PLEKHA7: variants seen among roughly 807,000 people sequenced by gnomAD.
PLEKHA7 encodes pleckstrin homology domain containing A7, also known as pleckstrin homology domain-containing family A member 7.
Under a neutral mutation model 170.0 loss-of-function variants are expected in PLEKHA7, and 104 were observed. The observed-to-expected ratio is 0.61, with a 90% CI of 0.52 to 0.72. PLEKHA7 has a LOEUF of 0.72. Ranked by LOEUF, PLEKHA7 falls within the 30% of genes least tolerant of loss-of-function variation. The pLI is 0.00. For missense variants in PLEKHA7, 1,615 were observed against 1,671.7 expected, an observed-to-expected ratio of 0.97 and a Z score of 0.59; for synonymous variants, 648 against 660.8, an observed-to-expected ratio of 0.98 and a Z score of 0.30.
At chr11:16,952,691 A>G (rs1186489880) in intron 3 of PLEKHA7, among the ~76,000 whole-genome samples, 1 of 152,256 alleles carries the variant, frequency 6.6e-6, no homozygotes, top group Non-Finnish European at 1.5e-5. Context: ...GAATATCTGC[A>G]GAATACATAT....
chr11:16,997,573 C>T (rs2137009871), intron 3 of PLEKHA7, among the ~76,000 whole-genome samples: 1 of 152,260 alleles, frequency 6.6e-6, no homozygotes, highest in Middle Eastern at 3.4e-3. Flanking sequence ...ACTCGATGGG[C>T]AGGAGGCAAG....
intron 3 of PLEKHA7, among the ~76,000 whole-genome samples, chr11:16,983,010 A>G (rs940782615): frequency 2.6e-5 from 4 of 152,208 alleles, no homozygotes; most frequent in African/African-American, 9.6e-5. Context: ...CATGTGCTCT[A>G]TTAAGCTTTC....
intron 3 of PLEKHA7, among the ~76,000 whole-genome samples, chr11:16,892,438 T>TGTGTGTGTGTGTGTGTGC (rs1856704916): frequency 2.0e-5 from 1 of 50,934 alleles, no homozygotes; most frequent in Non-Finnish European, 4.8e-5. Context: ...GTGTGTGTTT[T>TGTGTGTGTGTGTGTGTGC]GTTTTGTTTT....
At chr11:16,971,250 G>A (rs1425954095) in intron 3 of PLEKHA7, among the ~76,000 whole-genome samples, 4 of 152,138 alleles carry the variant, frequency 2.6e-5, no homozygotes, top group South Asian at 4.1e-4. Flanking sequence ...TATGTAAGTG[G>A]ATTTAAACAC....
chr11:16,882,828 T>G (rs759855407), intron 3 of PLEKHA7, among the ~76,000 whole-genome samples: 8 of 152,224 alleles, frequency 5.3e-5, no homozygotes, highest in Admixed American at 5.2e-4. Context: ...TAAGTACATA[T>G]AAATATATAT....
chr11:16,965,408 G>A (rs1489584644), intron 3 of PLEKHA7, among the ~76,000 whole-genome samples: 1 of 152,082 alleles, frequency 6.6e-6, no homozygotes, highest in Non-Finnish European at 1.5e-5. Flanking sequence ...AATGTATTGT[G>A]TCAATGGCAA....
Position 16,778,601 on chromosome 11 carries a change from TCGG to T in PLEKHA7, c.*394_*396del, listed in dbSNP as rs1354463824. On this transcript the variant is annotated 3_prime_UTR_variant, in exon 27 of 27. Coordinates refer to ENST00000531066, the MANE Select transcript of PLEKHA7 (RefSeq NM_001329630.2). ...GAGGTCATTGGAAGTTGGACTAGCCTCGGCTTGCCCCGCCCTTCCTGCCCCCAC... is the reference window on the plus strand; with the variant it reads ...GAGGTCATTGGAAGTTGGACTAGCCTCTTGCCCCGCCCTTCCTGCCCCCAC... 3 of 263,920 alleles carry T rather than the reference TCGG, an allele frequency of 1.1e-5. No individual in the cohort carries two copies. Among genetic ancestry groups the T allele is most frequent in the South Asian group, 8.8e-5 (2 of 22,608 alleles). 16.3% of individuals were successfully genotyped at this position (263,920 alleles called of 1,614,324 possible).
chr11:16,781,285 G>A (rs541867937), intron 26 of PLEKHA7: 2 of 152,648 alleles, frequency 1.3e-5, no homozygotes, highest in South Asian at 4.1e-4. Flanking sequence ...GTGAGGAAAG[G>A]CCGCAGCAAA....
rs190039375 is a variant in PLEKHA7 at position 16,966,525 on chromosome 11, T to C, written c.221+47464A>G. ...GAAGAGCAAGCAAGGCTCAGGGGCA[T>C]CTGGAGTCACTAGCCAGGGTGCACA... On this transcript the variant is annotated intron_variant, in intron 3 of 26. Coordinates refer to ENST00000531066, the MANE Select transcript of PLEKHA7 (RefSeq NM_001329630.2). Among the ~76,000 whole-genome samples the C allele has an allele frequency of 2.5e-4, 38 of 152,138 alleles. No individual in the cohort carries two copies. In the East Asian group the frequency reaches 7.1e-3, roughly 29 times the overall value.
At chr11:16,867,006 T>C (rs562521881) in intron 4 of PLEKHA7, among the ~76,000 whole-genome samples, 6 of 151,566 alleles carry the variant, frequency 4.0e-5, no homozygotes, top group African/African-American at 1.5e-4. Flanking sequence ...TTTATTCCCA[T>C]AGAAGAAGAA....
In PLEKHA7 at chr11:16,841,712, G is replaced by C. The variant is rs35068039; in HGVS notation, c.707C>G (p.Thr236Arg). Residue 236 changes from threonine (T) to arginine (R), a missense_variant, in exon 9 of 27, where the codon ACG (threonine) becomes AGG (arginine). By Grantham distance (71) the Thr-to-Arg change is moderately conservative. Coordinates refer to ENST00000531066, the MANE Select transcript of PLEKHA7 (RefSeq NM_001329630.2). ...SRKYSFKAVH[T>R]GMRALIYNSS... ...GTTATAGATGAGCGCTCGCATCCCC[G>C]TGTGCACAGCCTGTAGCATGAAGGC... is the stretch of plus-strand genomic sequence containing the variant. 8,726 of 1,613,854 alleles carry C rather than the reference G, an allele frequency of 5.4e-3. 65 individuals are homozygous for C. The highest frequency in any genetic ancestry group is 0.013 in the Middle Eastern group (76 of 6,058).
chr11:16,786,295 C>G lies in PLEKHA7; in HGVS notation c.3450G>C (p.Val1150=), dbSNP rs1253257580. 6.5e-7 allele frequency: 1 copy of G among 1,536,172 alleles called. No individual in the cohort carries two copies. The highest frequency in any genetic ancestry group is 1.4e-5 in the African/African-American group (1 of 73,184). The change falls in exon 24 of 27, where the codon GTG becomes GTC. Residue 1150 remains valine (V), a synonymous_variant. Coordinates refer to ENST00000531066, the MANE Select transcript of PLEKHA7 (RefSeq NM_001329630.2). ...KDKEENGWLK[V]QAMPVTELDL... is the part of the protein sequence containing the mutation. ...CCAACTCAGTGACAGGCATGGCCTG[C>G]ACTTTCAACCAGCCATTCTCCTCCT...
chr11:16,906,972 C>A (rs1458669569), intron 3 of PLEKHA7, among the ~76,000 whole-genome samples: 1 of 150,076 alleles, frequency 6.7e-6, no homozygotes, highest in Non-Finnish European at 1.5e-5. Context: ...CTCTGCCCGG[C>A]CGCCCTGTCT....
rs190480249 is a variant in PLEKHA7 at position 16,879,004 on chromosome 11, T to C, written c.222-7822A>G. 2.1e-3 allele frequency among the ~76,000 whole-genome samples: 320 copies of C among 152,308 alleles called. 3 individuals are homozygous for C. Among genetic ancestry groups the C allele is most frequent in the Admixed American group, 0.017 (253 of 15,288 alleles). ...CCTCAACTCCCCTGTAAAGGAGGGT[T>C]AATACACCCCACTGAGAAAATCAAA... On this transcript the variant is annotated intron_variant, in intron 3 of 26. Transcript: ENST00000531066.
intron 17 of PLEKHA7, among the ~76,000 whole-genome samples, chr11:16,799,751 C>T (rs1848464970): frequency 6.6e-6 from 1 of 152,262 alleles, no homozygotes; most frequent in South Asian, 2.1e-4. Context: ...AAATGTTAGC[C>T]AGTGTGGATG....
Position 17,002,634 on chromosome 11 carries a change from CA to C in PLEKHA7, c.221+11354del, listed in dbSNP as rs530682838. 4.1e-3 allele frequency among the ~76,000 whole-genome samples: 622 copies of C among 152,276 alleles called. 4 individuals carry two copies. The highest frequency in any genetic ancestry group is 0.014 in the Middle Eastern group (4 of 294). ...ACAATCAAAATATCTGCCTCTACAA[CA>C]AATGCATTTTTCAACTAGAAAGCAC... is the stretch of plus-strand genomic sequence containing the variant. On this transcript the variant is annotated intron_variant, in intron 3 of 26. Coordinates refer to ENST00000531066, the MANE Select transcript of PLEKHA7 (RefSeq NM_001329630.2).
intron 3 of PLEKHA7, among the ~76,000 whole-genome samples, chr11:17,005,230 G>C (rs1474113223): frequency 1.3e-5 from 2 of 152,086 alleles, no homozygotes; most frequent in Non-Finnish European, 2.9e-5. Context: ...TACTCCCATA[G>C]ACATCAAAAG....
chr11:16,822,342 G>A (rs892394514), intron 10 of PLEKHA7, among the ~76,000 whole-genome samples: 1 of 151,906 alleles, frequency 6.6e-6, no homozygotes, highest in Non-Finnish European at 1.5e-5. Context: ...GCTCTGTTAA[G>A]CATGGTAATT....
chr11:16,851,659 G>A (rs1852971848), intron 7 of PLEKHA7, among the ~76,000 whole-genome samples: 1 of 152,090 alleles, frequency 6.6e-6, no homozygotes, highest in Non-Finnish European at 1.5e-5. Context: ...ATGTTAGCTA[G>A]GCTGGTCTCG....
Sources: allele counts gnomAD v4.1 joint callset (sites outside exome capture counted in the v4.1 genomes callset), GRCh38; gene constraint gnomAD v4.1.1; transcripts MANE v1.5; gene names NCBI Gene and HGNC (gene_info 2026-07-23, HGNC 2026-07-21).